Variants in NKAIN3 observed in about 807,000 individuals in gnomAD.
The protein encoded by NKAIN3 is sodium/potassium transporting ATPase interacting 3.
A neutral mutation model predicts 30.2 loss-of-function variants in NKAIN3; 25 were observed. The ratio of observed to expected loss-of-function variants is 0.83; its 90% CI spans 0.60 to 1.16. NKAIN3 has a LOEUF of 1.16. Ranked by LOEUF, NKAIN3 falls within the 50% of genes most tolerant of loss-of-function variation. NKAIN3 has a pLI of 0.00. For missense variants in NKAIN3, 225 were observed against 254.1 expected (o/e 0.89, Z 0.78); for synonymous variants, 91 against 89.6 (o/e 1.02, Z -0.09).
At chr8:62,649,867 CAAACAGGCCCCATCTATTTT>C (rs1317792025) in intron 3 of NKAIN3, among the ~76,000 whole-genome samples, 1 of 152,104 alleles carries the variant, frequency 6.6e-6, no homozygotes, top group East Asian at 1.9e-4. Context: ...TTCCAGAGTC[CAAACAGGCCCCATCTATTTT>C]AAACAACTGC....
chr8:62,740,930 C>T (rs868146083), intron 3 of NKAIN3, among the ~76,000 whole-genome samples: 3 of 151,776 alleles, frequency 2.0e-5, no homozygotes, highest in Non-Finnish European at 4.4e-5. Context: ...ATAAGGTATA[C>T]CTCACACATG....
intron 4 of NKAIN3, among the ~76,000 whole-genome samples, chr8:62,766,763 G>C (rs983079477): frequency 5.9e-5 from 9 of 152,122 alleles, no homozygotes; most frequent in African/African-American, 2.2e-4. Flanking sequence ...TCACTGAGGG[G>C]CAAAGAAGCT....
chr8:62,436,634 ATCT>A (rs1314026746), intron 1 of NKAIN3, among the ~76,000 whole-genome samples: 1 of 152,148 alleles, frequency 6.6e-6, no homozygotes, highest in Non-Finnish European at 1.5e-5. Flanking sequence ...ATTAGAGACC[ATCT>A]TCTTTTTCAG....
At chr8:62,684,142 C>G (rs925483631) in intron 3 of NKAIN3, among the ~76,000 whole-genome samples, 1 of 152,148 alleles carries the variant, frequency 6.6e-6, no homozygotes, top group African/African-American at 2.4e-5. Context: ...ATATTAGAAA[C>G]TGGAAACCCA....
intron 1 of NKAIN3, among the ~76,000 whole-genome samples, chr8:62,412,718 T>C (rs189954193): frequency 5.5e-4 from 83 of 151,422 alleles, no homozygotes; most frequent in Non-Finnish European, 1.9e-4. Flanking sequence ...TCAAACTGTT[T>C]AGTAGAGACA....
At chr8:62,419,250 G>A (rs956027107) in intron 1 of NKAIN3, among the ~76,000 whole-genome samples, 1 of 152,210 alleles carries the variant, frequency 6.6e-6, no homozygotes, top group Non-Finnish European at 1.5e-5. Context: ...CTGACTGCAT[G>A]TGGGTGATTG....
chr8:62,819,356 T>G (rs1818784074), intron 4 of NKAIN3, among the ~76,000 whole-genome samples: 2 of 151,916 alleles, frequency 1.3e-5, no homozygotes, highest in Non-Finnish European at 2.9e-5. Flanking sequence ...AATCTTGAAC[T>G]TGGTGTATGG....
intron 1 of NKAIN3, among the ~76,000 whole-genome samples, chr8:62,326,219 C>T (rs1470573677): frequency 6.6e-6 from 1 of 151,426 alleles, no homozygotes; most frequent in Non-Finnish European, 1.5e-5. Flanking sequence ...CACAAATATC[C>T]AAGAGTGGTA....
At chr8:62,825,782 G>A (rs746033062) in intron 4 of NKAIN3, among the ~76,000 whole-genome samples, 2 of 152,110 alleles carry the variant, frequency 1.3e-5, no homozygotes, top group African/African-American at 2.4e-5. Context: ...TATAAAGTAT[G>A]GGGTGACAGA....
At chr8:62,737,339 T>C (rs1242458838) in intron 3 of NKAIN3, among the ~76,000 whole-genome samples, 1 of 152,240 alleles carries the variant, frequency 6.6e-6, no homozygotes, top group Non-Finnish European at 1.5e-5. Context: ...GTTTCTCTGC[T>C]AAAGCTTTGA....
intron 1 of NKAIN3, among the ~76,000 whole-genome samples, chr8:62,332,848 G>A (rs1033406787): frequency 5.9e-5 from 9 of 152,062 alleles, no homozygotes; most frequent in Non-Finnish European, 1.3e-4. Flanking sequence ...GCACCATGCC[G>A]AAACCCCATC....
At position 62,528,305 on chromosome 8, in the gene NKAIN3, T is replaced by TTATA. The variant is rs55728279; in HGVS notation, c.55-51224_55-51221dup. 5.7e-3 allele frequency among the ~76,000 whole-genome samples: 685 copies of TTATA among 121,206 alleles called. 4 individuals carry two copies. Among genetic ancestry groups the TTATA allele is most frequent in the Middle Eastern group, 0.031 (7 of 226 alleles). 79.5% of individuals were successfully genotyped at this position (121,206 alleles called of 152,430 possible). A position where few individuals can be genotyped will look rare whatever the true frequency, so the allele number is the denominator to read the frequency against. ...TATTGTGATATATATATATATTATA[T>TTATA]TATATATATATATTATATAATATAT... On this transcript the variant is annotated intron_variant, in intron 1 of 6. Coordinates refer to ENST00000623646, the MANE Select transcript of NKAIN3 (RefSeq NM_001304533.3).
intron 3 of NKAIN3, among the ~76,000 whole-genome samples, chr8:62,596,927 C>G (rs1022047777): frequency 3.8e-4 from 58 of 152,170 alleles, no homozygotes; most frequent in African/African-American, 1.1e-3. Flanking sequence ...AGTAATGGAG[C>G]CTGATATTTA....
intron 1 of NKAIN3, among the ~76,000 whole-genome samples, chr8:62,459,669 T>A (rs1173126576): frequency 6.6e-6 from 1 of 152,160 alleles, no homozygotes; most frequent in Non-Finnish European, 1.5e-5. Flanking sequence ...GTTTCTATGA[T>A]AAATTGATAT....
chr8:62,894,640 G>T (rs1821381560), intron 4 of NKAIN3, among the ~76,000 whole-genome samples: 1 of 152,186 alleles, frequency 6.6e-6, no homozygotes, highest in African/African-American at 2.4e-5. Context: ...TAAACTTCCA[G>T]AAATATTACA....
intron 4 of NKAIN3, among the ~76,000 whole-genome samples, chr8:62,849,450 A>T (rs1586265417): frequency 6.6e-6 from 1 of 151,278 alleles, no homozygotes; most frequent in Admixed American, 6.6e-5. Flanking sequence ...TTTTATGGAA[A>T]TTTTTTTTAT....
At chr8:62,383,807 G>T (rs1817345198) in intron 1 of NKAIN3, among the ~76,000 whole-genome samples, 1 of 151,818 alleles carries the variant, frequency 6.6e-6, no homozygotes, top group African/African-American at 2.4e-5. Flanking sequence ...CAATACAAGA[G>T]AATATGTATT....
At chr8:62,553,825 A>G (rs1401268012) in intron 1 of NKAIN3, among the ~76,000 whole-genome samples, 1 of 152,170 alleles carries the variant, frequency 6.6e-6, no homozygotes, top group Admixed American at 6.5e-5. Flanking sequence ...GGTGTGAGCC[A>G]CCACACCTGG....
At chr8:62,925,580 TTCTAC>T (rs1288453401) in intron 5 of NKAIN3, among the ~76,000 whole-genome samples, 5 of 152,142 alleles carry the variant, frequency 3.3e-5, no homozygotes, top group African/African-American at 1.2e-4. Context: ...TTTTCTGTGT[TTCTAC>T]TTGAAACCAG....
Sources: gnomAD v4.1 joint callset for allele counts (sites outside exome capture counted in the v4.1 genomes callset) on GRCh38, gnomAD v4.1.1 for gene constraint, MANE v1.5 for transcripts, NCBI Gene and HGNC (gene_info 2026-07-23, HGNC 2026-07-21) for gene names.